The following ZNF592 variants were observed in gnomAD, a reference collection of about 807,000 sequenced individuals.
ZNF592 encodes the protein spinocerebellar ataxia, autosomal recessive 5.
In ZNF592, 11 loss-of-function variants were observed where a neutral mutation model predicts 80.3. The observed-to-expected ratio is 0.14, with a 90% CI of 0.09 to 0.23. ZNF592 has a LOEUF of 0.23. Among genes scored for constraint, ZNF592 ranks in the 10% least tolerant of loss-of-function variants. The probability of loss-of-function intolerance (pLI) is 1.00; values close to 1 mark genes in which losing one functional copy is unlikely to be tolerated. For synonymous variants in ZNF592, 646 were observed against 640.3 expected (o/e 1.01, Z -0.13); for missense variants, 1,420 against 1,633.9 (o/e 0.87, Z 2.26).
chr15:84,765,377 A>G (rs1899478280), intron 2 of ZNF592, among the ~76,000 whole-genome samples: 2 of 152,108 alleles, frequency 1.3e-5, no homozygotes, highest in Non-Finnish European at 2.9e-5. Context: ...TTTTGAGTAT[A>G]TACCCAGAAG....
chr15:84,801,240 G>A (rs1298309437), intron 10 of ZNF592, among the ~76,000 whole-genome samples: 2 of 152,186 alleles, frequency 1.3e-5, no homozygotes, highest in Admixed American at 6.5e-5. Context: ...TGGGAGGATC[G>A]CTTAAGCTCT....
At chr15:84,748,981 G>A (rs1016093404) in intron 1 of ZNF592, among the ~76,000 whole-genome samples, 2 of 152,008 alleles carry the variant, frequency 1.3e-5, no homozygotes, top group African/African-American at 4.8e-5. Context: ...ACGTGCGGCC[G>A]CCCTCGGCGA....
At chr15:84,796,725 A>G (rs1962931135) in intron 5 of ZNF592, among the ~76,000 whole-genome samples, 1 of 152,094 alleles carries the variant, frequency 6.6e-6, no homozygotes, top group African/African-American at 2.4e-5. Context: ...AAATCCACCA[A>G]ATAAACTCAG....
Position 84,782,991 on chromosome 15 carries a change from A to T in ZNF592, c.316A>T (p.Asn106Tyr), listed in dbSNP as rs1351944949. 3 of 1,614,008 alleles carry T rather than the reference A, an allele frequency of 1.9e-6. No homozygotes were observed. Among genetic ancestry groups the T allele is most frequent in the Non-Finnish European group, 2.5e-6 (3 of 1,180,032 alleles). ...RGSDLPPDPH[N>Y]CGKFDSTFMN... ...CTCAGATCTGCCTCCAGATCCCCAC[A>T]ACTGTGGGAAATTTGATTCTACTTT... Residue 106 changes from asparagine (N) to tyrosine (Y), a missense_variant, in exon 4 of 11, where the codon AAC becomes TAC. This residue lies in a region of ZNF592 where 373 missense variants were observed against 355.5 expected (regional missense o/e 1.05). Transcript: ENST00000560079.
intron 2 of ZNF592, among the ~76,000 whole-genome samples, chr15:84,774,842 G>A (rs560025163): frequency 2.6e-5 from 4 of 152,240 alleles, no homozygotes; most frequent in East Asian, 1.9e-4. Flanking sequence ...GTACAATGGC[G>A]TGATCTCGGC....
Position 84,798,349 on chromosome 15 carries a change from A to G in ZNF592, c.2611A>G (p.Asn871Asp), listed in dbSNP as rs1397957715. The change falls in exon 7 of 11, where the codon AAC becomes GAC. Residue 871 changes from asparagine (N) to aspartate (D), a missense_variant. Coordinates refer to ENST00000560079, the MANE Select transcript of ZNF592 (RefSeq NM_014630.3). This position sits in a 1 kb window ranked among gnomAD's most constrained non-coding sequence, Gnocchi z 4.5. ...IYKCSCEMVF[N>D]KKRHIQQHFY... ...TAAGTGCTCCTGTGAAATGGTCTTC[A>G]ACAAGAAGAGGCACATTCAGCAGCA... The G allele has an allele frequency of 1.9e-6, 3 of 1,614,228 alleles. No individual in the cohort carries two copies. Among genetic ancestry groups the G allele is most frequent in the Non-Finnish European group, 2.5e-6 (3 of 1,180,048 alleles).
rs149453849 is a variant in ZNF592, at chr15:84,781,878, A to C, written c.-19-779A>C. Reference sequence around the variant, plus strand: ...GCTTTCCCAGATCATGAAGGAGACAAGTATATTAATTTAAAATAGAATTAT... The same window carrying C: ...GCTTTCCCAGATCATGAAGGAGACACGTATATTAATTTAAAATAGAATTAT... On this transcript the variant is annotated intron_variant, in intron 3 of 10. Transcript: ENST00000560079. Among the ~76,000 whole-genome samples the C allele has an allele frequency of 4.8e-3, 734 of 152,342 alleles. 4 individuals are homozygous for C. The highest frequency in any genetic ancestry group is 9.2e-3 in the Non-Finnish European group (628 of 68,032).
chr15:84,787,155 T>C (rs1416799768), intron 4 of ZNF592, among the ~76,000 whole-genome samples: 1 of 152,072 alleles, frequency 6.6e-6, no homozygotes, highest in Non-Finnish European at 1.5e-5. Context: ...CCCGCCTCCT[T>C]GTGCATCTTC....
Position 84,804,961 on chromosome 15 carries a change from G to C in ZNF592, c.*2568G>C, listed in dbSNP as rs1383566363. On this transcript the variant is annotated 3_prime_UTR_variant, in exon 11 of 11. Transcript: ENST00000560079. ...ACGATGTGCAGAGGCTACCTGTAGT[G>C]ATGGTGCTGAGTCAAGCCTGTCAAC... 6.6e-6 allele frequency: 1 copy of C among 152,192 alleles called. No individual in the cohort carries two copies. Among genetic ancestry groups the C allele is most frequent in the African/African-American group, 2.4e-5 (1 of 41,448 alleles). The allele number at this position is 152,192 out of a possible 1,614,324, so 9.4% of individuals were successfully genotyped here.
chr15:84,750,118 A>G (rs1322957839), intron 1 of ZNF592, among the ~76,000 whole-genome samples: 4 of 152,226 alleles, frequency 2.6e-5, no homozygotes, highest in African/African-American at 9.6e-5. Flanking sequence ...CCTGACCAAC[A>G]TGGTGAAACC....
chr15:84,789,092 CAA>C (rs1396215509), intron 4 of ZNF592, among the ~76,000 whole-genome samples: 2 of 149,150 alleles, frequency 1.3e-5, no homozygotes, highest in Non-Finnish European at 3.0e-5. Context: ...AACCAAAAAA[CAA>C]AAATTAGCCA....
Position 84,783,604 on chromosome 15 carries a change from ATCTC to A in ZNF592, c.932_935del (p.Leu311GlnfsTer64). 1 of 1,614,128 alleles carries A rather than the reference ATCTC, an allele frequency of 6.2e-7. No individual in the cohort carries two copies. Among genetic ancestry groups the A allele is most frequent in the Non-Finnish European group, 8.5e-7 (1 of 1,180,018 alleles). ...GAGGATCAGCCTGGCCACACAAAGG[ATCTC>A]TCAGGGCCCACTAAAGAGAGTTCTA... On this transcript the variant is annotated frameshift_variant, in exon 4 of 11. Coordinates refer to ENST00000560079, the MANE Select transcript of ZNF592 (RefSeq NM_014630.3). LOFTEE classifies it high-confidence loss of function. This position sits in a 1 kb window ranked among gnomAD's most constrained non-coding sequence, Gnocchi z 5.0.
intron 4 of ZNF592, among the ~76,000 whole-genome samples, chr15:84,786,673 G>T (rs141313473): frequency 5.3e-5 from 8 of 152,134 alleles, no homozygotes; most frequent in African/African-American, 1.7e-4. Context: ...CAGATGGGGT[G>T]TGGGCACTCT....
At chr15:84,768,061 A>ATTTTTTTT (rs71135308) in intron 2 of ZNF592, among the ~76,000 whole-genome samples, 1 of 137,484 alleles carries the variant, frequency 7.3e-6, no homozygotes, top group Non-Finnish European at 1.6e-5. Flanking sequence ...TTTAATTTTA[A>ATTTTTTTT]TTTTTTTTTT....
At chr15:84,766,123 C>T (rs7169806) in intron 2 of ZNF592, among the ~76,000 whole-genome samples, 12,270 of 151,794 alleles carry the variant, frequency 0.081, 645 homozygotes, top group East Asian at 0.23. Flanking sequence ...AAGCAGTCCT[C>T]CCACCTCAGC....
chr15:84,764,905 G>GTTTTTT (rs201727475), intron 2 of ZNF592, 90 bp downstream of exon 2: 4 of 319,194 alleles, frequency 1.3e-5, no homozygotes, highest in Admixed American at 5.8e-5. Context: ...GTTTTGTTTT[G>GTTTTTT]TTTTGTTTTT....
chr15:84,785,007 G>A, intron 4 of ZNF592, 112 bp downstream of exon 4: 1 of 1,252,738 alleles, frequency 8.0e-7, no homozygotes, highest in Non-Finnish European at 1.2e-6. Flanking sequence ...AATCTTATGA[G>A]TCTTAGAAGA....
chr15:84,783,821 A>G lies in ZNF592; in HGVS notation c.1146A>G (p.Thr382=). Residue 382 remains threonine (T), a synonymous_variant, in exon 4 of 11, where the codon ACA becomes ACG. Transcript: ENST00000560079. The surrounding 1 kb of genome is among the most constrained non-coding windows in gnomAD (Gnocchi z 5.0). ...AAGTGAGAATCAAAACCATTAAGAC[A>G]TCATCAGGGGAAATCAAACGGACTG... is the stretch of plus-strand genomic sequence containing the variant. The part of the protein sequence containing the change: ...IPKVRIKTIK[T]SSGEIKRTVT... 6.2e-7 allele frequency: 1 copy of G among 1,614,224 alleles called. No homozygotes were observed. Among genetic ancestry groups the G allele is most frequent in the African/African-American group, 1.3e-5 (1 of 75,060 alleles).
chr15:84,791,780 A>G (rs1250454030), intron 5 of ZNF592, among the ~76,000 whole-genome samples: 3 of 152,216 alleles, frequency 2.0e-5, no homozygotes, highest in Non-Finnish European at 2.9e-5. Context: ...AGACAAAAGA[A>G]GGGGAAACCA....
Sources: gnomAD v4.1 joint callset for allele counts (sites outside exome capture counted in the v4.1 genomes callset) on GRCh38, gnomAD v4.1.1 for gene constraint, gnomAD v4.1.1 regional missense constraint, Gnocchi (gnomAD v3.1) non-coding constraint, MANE v1.5 for transcripts, NCBI Gene and HGNC (gene_info 2026-07-23, HGNC 2026-07-21) for gene names.